The following ARMH4 variants were observed in gnomAD, a reference collection of about 807,000 sequenced individuals.
ARMH4 encodes armadillo-like helical domain-containing protein 4.
Under a neutral mutation model 61.9 loss-of-function variants are expected in ARMH4, and 49 were observed. The ratio of observed to expected loss-of-function variants is 0.79; its 90% CI spans 0.63 to 1.00. The LOEUF is 1.00. Ranked by LOEUF, ARMH4 falls within the 50% of genes least tolerant of loss-of-function variation. ARMH4 has a pLI of 0.00. For synonymous variants in ARMH4, 368 were observed against 341.5 expected (o/e 1.08, Z -0.85); for missense variants, 934 against 930.0 (o/e 1.00, Z -0.06).
chr14:58,029,464 C>T (rs1464850739), intron 5 of ARMH4, among the ~76,000 whole-genome samples: 1 of 152,126 alleles, frequency 6.6e-6, no homozygotes, highest in East Asian at 1.9e-4. Context: ...GAACTCCTGA[C>T]CTCAGGTGAT....
chr14:58,029,532 C>T (rs1032685531), intron 5 of ARMH4, among the ~76,000 whole-genome samples: 1 of 152,108 alleles, frequency 6.6e-6, no homozygotes, highest in Non-Finnish European at 1.5e-5. Flanking sequence ...CCGTGCCCGG[C>T]CAGCATAATA....
chr14:58,006,903 G>A (rs992944339), intron 6 of ARMH4, among the ~76,000 whole-genome samples: 11 of 149,366 alleles, frequency 7.4e-5, no homozygotes, highest in Non-Finnish European at 1.3e-4. Context: ...AGAACTTAAC[G>A]TATAATAAAA....
At chr14:58,052,683 C>T (rs1884186326) in intron 5 of ARMH4, among the ~76,000 whole-genome samples, 1 of 152,120 alleles carries the variant, frequency 6.6e-6, no homozygotes, top group Admixed American at 6.5e-5. Context: ...AGTTCCAAGC[C>T]ATTATCCTTG....
At chr14:58,021,424 G>A (rs986770031) in intron 5 of ARMH4, among the ~76,000 whole-genome samples, 4 of 152,314 alleles carry the variant, frequency 2.6e-5, no homozygotes, top group Admixed American at 2.6e-4. Flanking sequence ...CTTCTGCCAT[G>A]ATTGTGAGGC....
intron 5 of ARMH4, among the ~76,000 whole-genome samples, chr14:58,057,589 T>C (rs1884388111): frequency 6.6e-6 from 1 of 151,820 alleles, no homozygotes. Flanking sequence ...TGTGTGTGTG[T>C]ATTTTGATGG....
At chr14:58,046,028 T>G (rs193260242) in intron 5 of ARMH4, among the ~76,000 whole-genome samples, 16 of 152,334 alleles carry the variant, frequency 1.1e-4, no homozygotes, top group African/African-American at 3.8e-4. Flanking sequence ...CACCTGGCTT[T>G]TTACTTCCAG....
chr14:58,038,823 T>C (rs1353690183), intron 5 of ARMH4, among the ~76,000 whole-genome samples: 1 of 152,244 alleles, frequency 6.6e-6, no homozygotes, highest in Admixed American at 6.5e-5. Flanking sequence ...CTGGCTACAC[T>C]CATAATTAGA....
intron 5 of ARMH4, among the ~76,000 whole-genome samples, chr14:58,047,309 G>C (rs568315317): frequency 1.3e-5 from 2 of 152,288 alleles, no homozygotes; most frequent in East Asian, 3.9e-4. Context: ...CACAGTAAAC[G>C]TTTGGATCCC....
chr14:58,089,810 A>C (rs1449058532), intron 5 of ARMH4, among the ~76,000 whole-genome samples: 1 of 152,190 alleles, frequency 6.6e-6, no homozygotes, highest in East Asian at 1.9e-4. Context: ...ATGGCTGCCC[A>C]CTCAAAGCAA....
intron 5 of ARMH4, among the ~76,000 whole-genome samples, chr14:58,057,572 G>A (rs75610564): frequency 5.0e-5 from 4 of 80,290 alleles, no homozygotes; most frequent in Admixed American, 3.8e-4. Context: ...GTGTGTGTCT[G>A]TGTGTGTGTG....
At chr14:58,015,552 A>G (rs1041458833) in intron 5 of ARMH4, among the ~76,000 whole-genome samples, 1 of 152,136 alleles carries the variant, frequency 6.6e-6, no homozygotes, top group Non-Finnish European at 1.5e-5. Flanking sequence ...CTTCTTTCAG[A>G]AAATATTTAT....
chr14:58,128,931 G>A (rs1184498220), intron 4 of ARMH4, among the ~76,000 whole-genome samples: 1 of 152,126 alleles, frequency 6.6e-6, no homozygotes, highest in African/African-American at 2.4e-5. Flanking sequence ...TTCTTAAAAA[G>A]CAAGGAAAAC....
At chr14:58,097,116 A>G in intron 4 of ARMH4, 135 bp from the exon 5 acceptor site, 1 of 966,978 alleles carries the variant, frequency 1.0e-6, no homozygotes, top group Non-Finnish European at 1.6e-6. Context: ...AGCCAAAGTC[A>G]GACAATGTGA....
intron 5 of ARMH4, among the ~76,000 whole-genome samples, chr14:58,044,993 A>C (rs1279653642): frequency 6.6e-6 from 1 of 152,194 alleles, no homozygotes; most frequent in East Asian, 1.9e-4. Flanking sequence ...GAGAAATAGG[A>C]ACACTTTTAC....
At chr14:58,115,603 C>CA (rs1291764848) in intron 4 of ARMH4, among the ~76,000 whole-genome samples, 3 of 152,098 alleles carry the variant, frequency 2.0e-5, no homozygotes, top group East Asian at 1.9e-4. Flanking sequence ...ATAATTCTAC[C>CA]AAAAAAACAT....
intron 1 of ARMH4, chr14:58,141,274 G>C: frequency 3.1e-6 from 1 of 326,764 alleles, no homozygotes; most frequent in South Asian, 3.3e-5. Flanking sequence ...GGCTGCAGAC[G>C]CAGAGATGCA....
intron 5 of ARMH4, among the ~76,000 whole-genome samples, chr14:58,062,120 C>T (rs576186846): frequency 1.3e-5 from 2 of 152,288 alleles, no homozygotes; most frequent in East Asian, 3.9e-4. Context: ...AGGAGGACCA[C>T]TTGAGGCTAG....
chr14:58,020,771 T>C (rs1430847197), intron 5 of ARMH4, among the ~76,000 whole-genome samples: 1 of 152,120 alleles, frequency 6.6e-6, no homozygotes, highest in Non-Finnish European at 1.5e-5. Context: ...AATCTTAGGG[T>C]GAACCTTAAA....
chr14:58,078,024 C>T (rs767435892), intron 5 of ARMH4, among the ~76,000 whole-genome samples: 21 of 152,292 alleles, frequency 1.4e-4, no homozygotes, highest in Non-Finnish European at 2.5e-4. Context: ...TGCTGAAGTC[C>T]GGAGGTATTC....
Sources: allele counts gnomAD v4.1 joint callset (sites outside exome capture counted in the v4.1 genomes callset), GRCh38; gene constraint gnomAD v4.1.1; transcripts MANE v1.5; gene names NCBI Gene and HGNC (gene_info 2026-07-23, HGNC 2026-07-21).